ATXN2: variants seen among roughly 807,000 people sequenced by gnomAD.
The protein encoded by ATXN2 is ataxin 2, also known as ataxin-2.
A neutral mutation model predicts 138.6 loss-of-function variants in ATXN2; 37 were observed. The ratio of observed to expected loss-of-function variants is 0.27; its 90% CI spans 0.21 to 0.35. The LOEUF is 0.35. ATXN2 is among the 10% of genes least tolerant of loss of function. The pLI is 1.00. For missense variants in ATXN2, 1,216 were observed against 1,480.3 expected, an observed-to-expected ratio of 0.82 and a Z score of 2.93; for synonymous variants, 549 against 543.7, an observed-to-expected ratio of 1.01 and a Z score of -0.13.
chr12:111,553,604 A>AGTTTTTTTTTTTTTT (rs1882237738), intron 3 of ATXN2, among the ~76,000 whole-genome samples: 1 of 85,004 alleles, frequency 1.2e-5, no homozygotes, highest in African/African-American at 7.6e-5. Context: ...AAAAAAAAAA[A>AGTTTTTTTTTTTTTT]TTTTTTTTTT....
At chr12:111,569,792 G>A (rs1469835840) in intron 1 of ATXN2, among the ~76,000 whole-genome samples, 1 of 152,036 alleles carries the variant, frequency 6.6e-6, no homozygotes, top group African/African-American at 2.4e-5. Flanking sequence ...AGTCCCTCTA[G>A]AGAAAGGGAT....
chr12:111,453,101 A>ACC lies in ATXN2; in HGVS notation c.3440-263_3440-262dup, dbSNP rs1874792938. ...GGGGTAGAAAAAAAGGCCTTAACAAACCCCCTCCCCAAATATTAGCCAAGC... is the reference window on the plus strand; with the variant it reads ...GGGGTAGAAAAAAAGGCCTTAACAAACCCCCCCTCCCCAAATATTAGCCAAGC... On this transcript the variant is annotated intron_variant, in intron 24 of 24. Coordinates refer to ENST00000673436, the MANE Select transcript of ATXN2 (RefSeq NM_001372574.1). This position sits in a 1 kb window ranked among gnomAD's most constrained non-coding sequence, Gnocchi z 5.4. 1 of 1,247,116 alleles carries ACC rather than the reference A, an allele frequency of 8.0e-7. No individual in the cohort carries two copies. Among genetic ancestry groups the ACC allele is most frequent in the South Asian group, 2.9e-5 (1 of 35,060 alleles). The allele number at this position is 1,247,116 out of a possible 1,614,324, so 77.3% of individuals were successfully genotyped here.
chr12:111,553,201 A>G (rs577589539), intron 3 of ATXN2, among the ~76,000 whole-genome samples: 1 of 152,294 alleles, frequency 6.6e-6, no homozygotes, highest in South Asian at 2.1e-4. Context: ...TACTGAAGTC[A>G]AACATTTCTG....
chr12:111,452,967 T>C, intron 24 of ATXN2, 127 bp from the exon 25 acceptor site: 1 of 1,290,090 alleles, frequency 7.8e-7, no homozygotes, highest in Non-Finnish European at 9.9e-7. Context: ...TTGAATTCGC[T>C]TTTCCCCCTC....
intron 1 of ATXN2, among the ~76,000 whole-genome samples, chr12:111,582,037 C>T (rs1341556133): frequency 2.0e-5 from 3 of 151,508 alleles, no homozygotes; most frequent in Non-Finnish European, 4.4e-5. Flanking sequence ...AAGAACAGAA[C>T]ATAAGAAGAA....
intron 21 of ATXN2, 42 bp from the exon 22 acceptor site, chr12:111,457,401 G>T: frequency 6.4e-7 from 1 of 1,560,530 alleles, no homozygotes; most frequent in South Asian, 1.2e-5. Context: ...ACCGATGTCT[G>T]ACAACCTCCA....
chr12:111,452,965 G>A (rs901820210), intron 24 of ATXN2, 125 bp from the exon 25 acceptor site: 49 of 1,058,738 alleles, frequency 4.6e-5, no homozygotes, highest in Non-Finnish European at 5.4e-5. Flanking sequence ...AATTGAATTC[G>A]CTTTTCCCCC....
chr12:111,518,678 G>A (rs753965460), intron 8 of ATXN2, among the ~76,000 whole-genome samples: 1 of 152,084 alleles, frequency 6.6e-6, no homozygotes, highest in Non-Finnish European at 1.5e-5. Flanking sequence ...CATCCCACTT[G>A]ACCTCTCTAT....
At chr12:111,579,127 C>A (rs1161780118) in intron 1 of ATXN2, among the ~76,000 whole-genome samples, 1 of 152,156 alleles carries the variant, frequency 6.6e-6, no homozygotes, top group African/African-American at 2.4e-5. Flanking sequence ...TAAATAAACA[C>A]TCACAGGATT....
At chr12:111,582,310 T>C (rs1566079359) in intron 1 of ATXN2, among the ~76,000 whole-genome samples, 1 of 149,796 alleles carries the variant, frequency 6.7e-6, no homozygotes, top group African/African-American at 2.5e-5. Context: ...CCAGGCATGA[T>C]GGCACACACA....
intron 14 of ATXN2, among the ~76,000 whole-genome samples, chr12:111,506,708 T>G (rs1216659900): frequency 6.8e-6 from 1 of 147,030 alleles, no homozygotes; most frequent in African/African-American, 2.5e-5. Flanking sequence ...CTCCCTCTGA[T>G]GCCGAGCCGA....
intron 1 of ATXN2, among the ~76,000 whole-genome samples, chr12:111,592,925 A>C (rs1477187576): frequency 6.6e-6 from 1 of 152,026 alleles, no homozygotes; most frequent in Non-Finnish European, 1.5e-5. Flanking sequence ...ACAACATCAA[A>C]ATACTATCAC....
upstream of ATXN2, chr12:111,599,477 A>G: frequency 8.2e-7 from 1 of 1,212,500 alleles, no homozygotes; most frequent in South Asian, 3.7e-5. Context: ...CTCGGTGGCC[A>G]CCGCGGGACT....
At chr12:111,539,481 CT>C (rs1397230146) in intron 5 of ATXN2, among the ~76,000 whole-genome samples, 1 of 150,490 alleles carries the variant, frequency 6.6e-6, no homozygotes, top group Non-Finnish European at 1.5e-5. Flanking sequence ...GGTGCGATGG[CT>C]CATGCCTGTA....
chr12:111,524,159 G>A lies in ATXN2; in HGVS notation c.696+1033C>T, dbSNP rs527376743. Among the ~76,000 whole-genome samples, 47 of 152,206 alleles carry A rather than the reference G, an allele frequency of 3.1e-4. No individual in the cohort carries two copies. The South Asian group carries it at 9.7e-3, about 32-fold the overall frequency. ...ACAGACTTGAGAACCATTATATTAGGTTATATATGATTTGTTAAAGTTTGA... is the reference window on the plus strand; with the variant it reads ...ACAGACTTGAGAACCATTATATTAGATTATATATGATTTGTTAAAGTTTGA... On this transcript the variant is annotated intron_variant, in intron 6 of 24. Coordinates refer to ENST00000673436, the MANE Select transcript of ATXN2 (RefSeq NM_001372574.1).
chr12:111,462,541 G>C (rs1319592350), intron 21 of ATXN2, among the ~76,000 whole-genome samples: 1 of 152,154 alleles, frequency 6.6e-6, no homozygotes, highest in African/African-American at 2.4e-5. Flanking sequence ...CTCTAAAAGG[G>C]GAATAAAAGG....
chr12:111,565,290 C>A (rs1430263958), intron 1 of ATXN2, among the ~76,000 whole-genome samples: 2 of 152,142 alleles, frequency 1.3e-5, no homozygotes, highest in African/African-American at 4.8e-5. Flanking sequence ...TCTGTGGAAA[C>A]CCCGAGTCGG....
At chr12:111,581,866 C>A in intron 1 of ATXN2, 1 of 282,866 alleles carries the variant, frequency 3.5e-6, no homozygotes, top group East Asian at 7.8e-5. Context: ...GCCCTGCCCC[C>A]AGAGCCAAGT....
intron 5 of ATXN2, among the ~76,000 whole-genome samples, chr12:111,536,254 G>A (rs1239899735): frequency 1.3e-5 from 2 of 152,130 alleles, no homozygotes; most frequent in Admixed American, 1.3e-4. Context: ...ATTTGCCTTG[G>A]TGGAAGAAAA....
Sources: gnomAD v4.1 joint callset for allele counts (sites outside exome capture counted in the v4.1 genomes callset) on GRCh38, gnomAD v4.1.1 for gene constraint, Gnocchi (gnomAD v3.1) non-coding constraint, MANE v1.5 for transcripts, NCBI Gene and HGNC (gene_info 2026-07-23, HGNC 2026-07-21) for gene names.